Variants in TMX3 observed in about 807,000 individuals in gnomAD.
TMX3 encodes the protein protein disulfide-isomerase TMX3.
In TMX3, 40 loss-of-function variants were observed where a neutral mutation model predicts 64.4. The observed-to-expected ratio is 0.62, with a 90% CI of 0.48 to 0.81. The LOEUF is 0.81. TMX3 is among the 30% of genes least tolerant of loss of function. The pLI is 0.00. For missense variants in TMX3, 497 were observed against 534.5 expected (o/e 0.93, Z 0.69); for synonymous variants, 189 against 175.7 (o/e 1.08, Z -0.60).
At chr18:68,709,682 C>T (rs2031062116) in intron 4 of TMX3, among the ~76,000 whole-genome samples, 1 of 152,046 alleles carries the variant, frequency 6.6e-6, no homozygotes, top group Admixed American at 6.6e-5. Flanking sequence ...TTCTTTACAG[C>T]ACATCTCAGG....
chr18:68,681,304 G>A lies in TMX3; in HGVS notation c.906-194C>T, dbSNP rs868754217. The A allele has an allele frequency of 1.6e-4, 90 of 578,748 alleles. No homozygotes were observed. The Middle Eastern group carries it at 5.3e-3, about 34-fold the overall frequency. The allele number at this position is 578,748 out of a possible 1,614,324, so 35.9% of individuals were successfully genotyped here. ...CATTCATGACATACCTTTTTAATTTGTTTGATATTTCTAGGATACGCAATT... is the reference window on the plus strand; with the variant it reads ...CATTCATGACATACCTTTTTAATTTATTTGATATTTCTAGGATACGCAATT... On this transcript the variant is annotated intron_variant, in intron 13 of 15. Transcript: ENST00000299608.
At chr18:68,699,609 T>A (rs1915474098) in intron 6 of TMX3, among the ~76,000 whole-genome samples, 1 of 152,156 alleles carries the variant, frequency 6.6e-6, no homozygotes, top group South Asian at 2.1e-4. Flanking sequence ...TTTAAAGCTA[T>A]CAGTATAATA....
intron 8 of TMX3, 68 bp downstream of exon 8, chr18:68,697,158 A>G (rs1191223857): frequency 1.3e-6 from 1 of 797,080 alleles, no homozygotes; most frequent in African/African-American, 1.8e-5. Context: ...ATCACAATTT[A>G]GTTTATTAAA....
chr18:68,709,803 G>A lies in TMX3; in HGVS notation c.265+218C>T, dbSNP rs73967593. 0.096 allele frequency among the ~76,000 whole-genome samples: 14,628 copies of A among 152,046 alleles called. 2,028 individuals carry two copies. The highest frequency in any genetic ancestry group is 0.31 in the African/African-American group (12,676 of 41,414). On this transcript the variant is annotated intron_variant, in intron 4 of 15. Transcript: ENST00000299608. ...ATCTGAAGTGGGCTCAAAGGAGAAAGGATGGTTTAAACATCTGTTAAGCAT... is the reference window on the plus strand; with the variant it reads ...ATCTGAAGTGGGCTCAAAGGAGAAAAGATGGTTTAAACATCTGTTAAGCAT...
intron 5 of TMX3, chr18:68,701,500 T>C (rs2030055106): frequency 1.4e-6 from 1 of 694,554 alleles, no homozygotes; most frequent in African/African-American, 1.8e-5. Context: ...TGTATACTTG[T>C]CCTGCACAGT....
At chr18:68,684,322 T>C in intron 11 of TMX3, 79 bp from the exon 12 acceptor site, 1 of 1,482,052 alleles carries the variant, frequency 6.7e-7, no homozygotes, top group Admixed American at 1.7e-5. Context: ...TCTGCTGTCT[T>C]ACATCTAATT....
rs1274684572 is a variant in TMX3 at position 68,673,694 on chromosome 18, G to GT, written c.*3238dup. ...CAGTAAAAATAAGAAACAATTGCAGGTTTTCAATTACTTTATTTTAGAAAA... is the reference window on the plus strand; with the variant it reads ...CAGTAAAAATAAGAAACAATTGCAGGTTTTTCAATTACTTTATTTTAGAAAA... On this transcript the variant is annotated 3_prime_UTR_variant, in exon 16 of 16. Coordinates refer to ENST00000299608, the MANE Select transcript of TMX3 (RefSeq NM_019022.5). 1 of 152,052 alleles carries GT rather than the reference G, an allele frequency of 6.6e-6. No homozygotes were observed. Among genetic ancestry groups the GT allele is most frequent in the Admixed American group, 6.6e-5 (1 of 15,258 alleles). The allele number at this position is 152,052 out of a possible 1,614,324, so 9.4% of individuals were successfully genotyped here.
intron 4 of TMX3, among the ~76,000 whole-genome samples, chr18:68,703,726 C>T (rs1599334915): frequency 6.6e-6 from 1 of 152,204 alleles, no homozygotes; most frequent in Middle Eastern, 3.4e-3. Flanking sequence ...GTCAGGAGAT[C>T]AAGACTGTCC....
intron 4 of TMX3, chr18:68,706,408 T>C (rs994222752): frequency 4.0e-5 from 6 of 151,386 alleles, no homozygotes; most frequent in African/African-American, 1.2e-4. Flanking sequence ...CAAAACTCTG[T>C]CTCAAAAAAA....
At chr18:68,705,769 T>C (rs2096506093) in intron 4 of TMX3, among the ~76,000 whole-genome samples, 1 of 152,234 alleles carries the variant, frequency 6.6e-6, no homozygotes, top group Non-Finnish European at 1.5e-5. Flanking sequence ...GTTAAATCCA[T>C]GCATCAAGAC....
rs943234296 is a variant in TMX3, at chr18:68,676,707, G to C, written c.*226C>G. The C allele has an allele frequency of 1.1e-5, 6 of 549,210 alleles. No individual in the cohort carries two copies. The highest frequency in any genetic ancestry group is 3.8e-5 in the African/African-American group (2 of 52,768). The allele number at this position is 549,210 out of a possible 1,614,324, so 34.0% of individuals were successfully genotyped here. On this transcript the variant is annotated 3_prime_UTR_variant, in exon 16 of 16. Coordinates refer to ENST00000299608, the MANE Select transcript of TMX3 (RefSeq NM_019022.5). ...GTTCTGTTCTAATCACAAAGATCAG[G>C]TAAATTTTGATGGAGTGCTCTGTGT...
Position 68,684,482 on chromosome 18 carries a change from T to G in TMX3, c.740A>C (p.Lys247Thr). ...ATCAATAACTGCAAGAGCCACAAGC[T>G]TTCCTGAAATAAAGAATGACACATC... Reference protein sequence around the residue: ...FLLYELGDTGKLVALAVIDEK... With the variant: ...FLLYELGDTGTLVALAVIDEK... The change falls in exon 11 of 16, where the codon AAG becomes ACG. Residue 247 changes from lysine (K) to threonine (T), a missense_variant. This residue lies in a region of TMX3 where 360 missense variants were observed against 383.5 expected (regional missense o/e 0.94). Transcript: ENST00000299608. 1 of 1,612,526 alleles carries G rather than the reference T, an allele frequency of 6.2e-7. No individual in the cohort carries two copies.
Position 68,691,371 on chromosome 18 carries a change from A to C in TMX3, c.571-10T>G, listed in dbSNP as rs1377649980. On this transcript the variant is annotated splice_polypyrimidine_tract_variant and intron_variant, in intron 8 of 15. Coordinates refer to ENST00000299608, the MANE Select transcript of TMX3 (RefSeq NM_019022.5). The stretch of plus-strand genomic sequence containing the variant: ...CTTTTAGTGTCACATACTGCAAAAA[A>C]TCAGAAGTTTAAATAACTTTTATCA... 1.3e-6 allele frequency: 2 copies of C among 1,486,886 alleles called. No homozygotes were observed. The highest frequency in any genetic ancestry group is 1.8e-6 in the Non-Finnish European group (2 of 1,109,960). The allele number at this position is 1,486,886 out of a possible 1,614,324, so 92.1% of individuals were successfully genotyped here.
chr18:68,710,344 A>G (rs1433644601), intron 3 of TMX3, among the ~76,000 whole-genome samples, 200 bp from the exon 4 acceptor site: 1 of 152,172 alleles, frequency 6.6e-6, no homozygotes, highest in Non-Finnish European at 1.5e-5. Flanking sequence ...TAGATACCTC[A>G]AAACCGGTAC....
At chr18:68,686,855 A>G (rs1914010290) in intron 10 of TMX3, 1 of 985,292 alleles carries the variant, frequency 1.0e-6, no homozygotes, top group African/African-American at 1.7e-5. Flanking sequence ...GCTCAGGAAC[A>G]GAACAGAAAT....
rs766619457 is a variant in TMX3, at chr18:68,687,655, T to C, written c.736+12A>G. 8.8e-6 allele frequency: 14 copies of C among 1,599,984 alleles called. No individual in the cohort carries two copies. The highest frequency in any genetic ancestry group is 1.2e-5 in the Non-Finnish European group (14 of 1,174,658). On this transcript the variant is annotated intron_variant, in intron 10 of 15. Transcript: ENST00000299608. Reference sequence around the variant, plus strand: ...ATGTAACATAATGGAGACTTGTACATATGCTTGTTACCTGTGTCTCCAAGT... The same window carrying C: ...ATGTAACATAATGGAGACTTGTACACATGCTTGTTACCTGTGTCTCCAAGT...
At chr18:68,682,705 A>G (rs960621637) in intron 13 of TMX3, among the ~76,000 whole-genome samples, 1 of 143,728 alleles carries the variant, frequency 7.0e-6, no homozygotes, top group African/African-American at 2.9e-5. Flanking sequence ...AAATCAGGAG[A>G]TAATTTTTTT....
intron 14 of TMX3, among the ~76,000 whole-genome samples, chr18:68,680,170 G>A (rs1237476648): frequency 6.6e-6 from 1 of 152,072 alleles, no homozygotes; most frequent in African/African-American, 2.4e-5. Flanking sequence ...TCTTCACCTT[G>A]ACCGAAAGTA....
intron 7 of TMX3, 132 bp downstream of exon 7, chr18:68,697,800 A>G: frequency 1.7e-6 from 1 of 582,678 alleles, no homozygotes; most frequent in Non-Finnish European, 2.9e-6. Context: ...TTATTATAAG[A>G]AATGCTTAGA....
Sources: gnomAD v4.1 joint callset for allele counts (sites outside exome capture counted in the v4.1 genomes callset) on GRCh38, gnomAD v4.1.1 for gene constraint, gnomAD v4.1.1 regional missense constraint, MANE v1.5 for transcripts, NCBI Gene and HGNC (gene_info 2026-07-23, HGNC 2026-07-21) for gene names.